MAML3: variants seen among roughly 807,000 people sequenced by gnomAD.
MAML3 encodes the protein mastermind-like protein 3.
A neutral mutation model predicts 101.9 loss-of-function variants in MAML3; 27 were observed. That is an observed-to-expected ratio of 0.27 (90% CI 0.20 to 0.37). The LOEUF (loss-of-function observed/expected upper bound fraction) is 0.37. Among genes scored for constraint, MAML3 ranks in the 10% least tolerant of loss-of-function variants. The pLI is 1.00. For missense variants in MAML3, 1,316 were observed against 1,444.9 expected, an observed-to-expected ratio of 0.91 and a Z score of 1.45; for synonymous variants, 501 against 555.9, an observed-to-expected ratio of 0.90 and a Z score of 1.39.
intron 2 of MAML3, among the ~76,000 whole-genome samples, chr4:139,790,158 C>T (rs10017368): frequency 0.012 from 1,664 of 144,410 alleles, 37 homozygotes; most frequent in African/African-American, 0.039. Context: ...TAGGGGTCAC[C>T]GAGGAGGGAA....
chr4:139,991,400 T>C (rs1460384366), intron 1 of MAML3, among the ~76,000 whole-genome samples: 1 of 152,106 alleles, frequency 6.6e-6, no homozygotes, highest in African/African-American at 2.4e-5. Context: ...CAAAAATTAA[T>C]TCAAGATGGA....
At chr4:140,040,325 G>C (rs970993675) in intron 1 of MAML3, among the ~76,000 whole-genome samples, 1 of 152,172 alleles carries the variant, frequency 6.6e-6, no homozygotes, top group African/African-American at 2.4e-5. Context: ...GTGAACTCCG[G>C]GACACATCTT....
At chr4:140,060,317 G>A (rs1215746163) in intron 1 of MAML3, among the ~76,000 whole-genome samples, 1 of 125,990 alleles carries the variant, frequency 7.9e-6, no homozygotes, top group Non-Finnish European at 1.6e-5. Context: ...AGTGAGCTGA[G>A]ATCGTGCCGT....
chr4:139,988,345 A>G (rs996864967), intron 1 of MAML3, among the ~76,000 whole-genome samples: 6 of 151,178 alleles, frequency 4.0e-5, no homozygotes, highest in African/African-American at 1.5e-4. Context: ...AAAAAAAAAA[A>G]AAAAAGAAAC....
At chr4:139,866,193 G>C (rs1472870936) in intron 2 of MAML3, among the ~76,000 whole-genome samples, 4 of 152,206 alleles carry the variant, frequency 2.6e-5, no homozygotes, top group Non-Finnish European at 5.9e-5. Context: ...CAGCTGATAG[G>C]ACATATTGTA....
In MAML3 at chr4:139,921,621, A is replaced by G. The variant is rs140108699; in HGVS notation, c.469-30654T>C. On this transcript the variant is annotated intron_variant, in intron 1 of 4. Coordinates refer to ENST00000509479, the MANE Select transcript of MAML3 (RefSeq NM_018717.5). ...CTCTGCACATGTCCCTAGCCACAAC[A>G]CTTCTCTCTCCCCCTCACCACAAAC... Among the ~76,000 whole-genome samples the G allele has an allele frequency of 1.4e-3, 215 of 152,082 alleles. 2 individuals carry two copies. The East Asian group carries it at 0.022, about 16-fold the overall frequency.
At position 140,104,427 on chromosome 4, in the gene MAML3, A is replaced by G. The variant is rs1295365564; in HGVS notation, c.468+48433T>C. Among the ~76,000 whole-genome samples, 7 of 123,340 alleles carry G rather than the reference A, an allele frequency of 5.7e-5. 1 individual carries two copies. The East Asian group carries it at 1.3e-3, about 22-fold the overall frequency. 80.9% of individuals were successfully genotyped at this position (123,340 alleles called of 152,430 possible). ...ATATATAATATAATATATAATATAC[A>G]CGAATGTGTATATACATATATAAAT... On this transcript the variant is annotated intron_variant, in intron 1 of 4. Transcript: ENST00000509479.
intron 1 of MAML3, among the ~76,000 whole-genome samples, chr4:140,068,250 A>C (rs1727572963): frequency 6.6e-6 from 1 of 152,094 alleles, no homozygotes; most frequent in African/African-American, 2.4e-5. Flanking sequence ...TGGCTTTATT[A>C]ATCTTTGCAT....
chr4:140,097,393 C>A (rs535798304), intron 1 of MAML3, among the ~76,000 whole-genome samples: 1 of 152,156 alleles, frequency 6.6e-6, no homozygotes, highest in African/African-American at 2.4e-5. Context: ...AAGGAGAAGA[C>A]GAAGCCGAGG....
intron 2 of MAML3, among the ~76,000 whole-genome samples, chr4:139,781,518 T>C (rs865894935): frequency 6.7e-6 from 1 of 150,224 alleles, no homozygotes; most frequent in Non-Finnish European, 1.5e-5. Flanking sequence ...CATATATATA[T>C]ATATATATAT....
chr4:139,871,834 C>T (rs564242994), intron 2 of MAML3, among the ~76,000 whole-genome samples: 7 of 152,184 alleles, frequency 4.6e-5, no homozygotes, highest in African/African-American at 1.7e-4. Flanking sequence ...AAGAAGAAAA[C>T]CCTAGGACAC....
chr4:139,835,684 G>A (rs1731244523), intron 2 of MAML3, among the ~76,000 whole-genome samples: 2 of 152,214 alleles, frequency 1.3e-5, no homozygotes, highest in African/African-American at 2.4e-5. Flanking sequence ...GGCTAAATGA[G>A]TAACTAGGTA....
rs556283185 is a variant in MAML3 at position 140,116,977 on chromosome 4, G to T, written c.468+35883C>A. Among the ~76,000 whole-genome samples the T allele has an allele frequency of 3.0e-4, 46 of 152,270 alleles. 2 individuals carry two copies. In the South Asian group the frequency reaches 9.1e-3, roughly 30 times the overall value. On this transcript the variant is annotated intron_variant, in intron 1 of 4. Transcript: ENST00000509479. Reference sequence around the variant, plus strand: ...CTATTAACCCAGGACCTCCACTCATGTTAGATCTCTAGCTTGCAGAACATG... The same window carrying T: ...CTATTAACCCAGGACCTCCACTCATTTTAGATCTCTAGCTTGCAGAACATG...
At chr4:140,127,402 T>C (rs1404895235) in intron 1 of MAML3, among the ~76,000 whole-genome samples, 1 of 148,286 alleles carries the variant, frequency 6.7e-6, no homozygotes, top group Non-Finnish European at 1.5e-5. Context: ...AGACAGTATA[T>C]GGTATGTCCA....
At chr4:140,007,957 C>T (rs2048382) in intron 1 of MAML3, among the ~76,000 whole-genome samples, 77,435 of 152,072 alleles carry the variant, frequency 0.51, 20,219 homozygotes, top group East Asian at 0.65. Flanking sequence ...AGAAATGGCA[C>T]TGTTGGGCAG....
chr4:140,152,997 C>T lies in MAML3; in HGVS notation c.331G>A (p.Val111Met). 1.2e-6 allele frequency: 2 copies of T among 1,607,800 alleles called. No homozygotes were observed. The highest frequency in any genetic ancestry group is 1.7e-6 in the Non-Finnish European group (2 of 1,177,322). ...TCCAGGGTCCGCTGGTAGAGGCTCA[C>T]GGTGTCCCGGCGCTCCAGCTCCAGC... ...EQLELERRDT[V>M]SLYQRTLEQR... Residue 111 changes from valine (V) to methionine (M), a missense_variant, in exon 1 of 5, where the codon GTG becomes ATG. Val to Met is a conservative substitution (Grantham distance 21). Coordinates refer to ENST00000509479, the MANE Select transcript of MAML3 (RefSeq NM_018717.5).
chr4:139,906,042 C>A (rs1052332959), intron 1 of MAML3, among the ~76,000 whole-genome samples: 1 of 152,194 alleles, frequency 6.6e-6, no homozygotes, highest in Admixed American at 6.5e-5. Context: ...CAGACTTGGT[C>A]TTGAGGCAAG....
chr4:140,121,580 T>C lies in MAML3; in HGVS notation c.468+31280A>G, dbSNP rs560772464. ...TGATTTAGCCTACGCTGATACTCAA[T>C]ATGGCAAAGCAAAAACTAGAGTTTT... On this transcript the variant is annotated intron_variant, in intron 1 of 4. Transcript: ENST00000509479. Among the ~76,000 whole-genome samples the C allele has an allele frequency of 3.3e-5, 5 of 152,336 alleles. No homozygotes were observed. In the South Asian group the frequency reaches 1.0e-3, roughly 32 times the overall value.
chr4:139,920,055 C>G (rs1273637725), intron 1 of MAML3, among the ~76,000 whole-genome samples: 1 of 152,158 alleles, frequency 6.6e-6, no homozygotes, highest in African/African-American at 2.4e-5. Context: ...CCTAAATAAA[C>G]TTGGTTGCGA....
Sources: gnomAD v4.1 joint callset for allele counts (sites outside exome capture counted in the v4.1 genomes callset) on GRCh38, gnomAD v4.1.1 for gene constraint, MANE v1.5 for transcripts, NCBI Gene and HGNC (gene_info 2026-07-23, HGNC 2026-07-21) for gene names.